NDRG1: variants seen among roughly 807,000 people sequenced by gnomAD.
NDRG1 encodes N-myc downstream regulated 1, also known as protein NDRG1.
Under a neutral mutation model 56.9 loss-of-function variants are expected in NDRG1, and 32 were observed. The observed-to-expected ratio is 0.56, with a 90% CI of 0.42 to 0.76. The LOEUF (loss-of-function observed/expected upper bound fraction) is 0.76. NDRG1 is among the 30% of genes least tolerant of loss of function. The pLI is 0.00. For missense variants in NDRG1, 507 were observed against 545.7 expected, an observed-to-expected ratio of 0.93 and a Z score of 0.71; for synonymous variants, 211 against 204.1, an observed-to-expected ratio of 1.03 and a Z score of -0.29.
At chr8:133,256,671 G>C (rs965011067) in intron 8 of NDRG1, 106 bp downstream of exon 8, 1 of 1,041,528 alleles carries the variant, frequency 9.6e-7, no homozygotes, top group East Asian at 2.6e-5. Flanking sequence ...GTGGAGGAGT[G>C]GGTAAAGAGA....
Position 133,238,996 on chromosome 8 carries a change from G to A in NDRG1, c.1067C>T (p.Thr356Ile), listed in dbSNP as rs1322329235. ...CGAGCGGCTGCGGGTGCCCTCGCTG[G>A]TGTGGGAGCGGCTTCGGGTGCCCTC... ...TSEGTRSRSHTSEGTRSRSHT... is the reference protein window; with the variant it reads ...TSEGTRSRSHISEGTRSRSHT... The change falls in exon 16 of 16, where the codon ACC (threonine) becomes ATC (isoleucine). Residue 356 changes from threonine to isoleucine, a missense_variant. Thr to Ile is a moderately conservative substitution (Grantham distance 89). Coordinates refer to ENST00000323851, the MANE Select transcript of NDRG1 (RefSeq NM_006096.4). 5 of 1,596,518 alleles carry A rather than the reference G, an allele frequency of 3.1e-6. No homozygotes were observed. The highest frequency in any genetic ancestry group is 4.3e-6 in the Non-Finnish European group (5 of 1,172,938).
At chr8:133,245,619 C>A (rs1204005660) in intron 13 of NDRG1, among the ~76,000 whole-genome samples, 1 of 152,136 alleles carries the variant, frequency 6.6e-6, no homozygotes, top group African/African-American at 2.4e-5. Flanking sequence ...AAGAGGCAGG[C>A]AGCATTCTCC....
chr8:133,250,367 T>A, intron 10 of NDRG1, 73 bp downstream of exon 10: 1 of 1,311,280 alleles, frequency 7.6e-7, no homozygotes, highest in Non-Finnish European at 1.1e-6. Context: ...CTCCCTCTCA[T>A]CTGTCCCACA....
chr8:133,291,158 C>G (rs1311750769), intron 1 of NDRG1, among the ~76,000 whole-genome samples: 1 of 152,174 alleles, frequency 6.6e-6, no homozygotes, highest in East Asian at 1.9e-4. Flanking sequence ...CGATTGTCAC[C>G]AACAGCAACT....
intron 1 of NDRG1, among the ~76,000 whole-genome samples, chr8:133,296,189 C>G (rs1467166697): frequency 2.7e-5 from 4 of 150,886 alleles, no homozygotes; most frequent in Non-Finnish European, 5.9e-5. Flanking sequence ...CCAGGAACGT[C>G]GAAGTAATTC....
intron 2 of NDRG1, among the ~76,000 whole-genome samples, chr8:133,283,073 T>G (rs1203679949): frequency 1.3e-5 from 2 of 152,230 alleles, no homozygotes; most frequent in Non-Finnish European, 2.9e-5. Context: ...ATAAGGAAAT[T>G]AAATGAACAG....
intron 1 of NDRG1, among the ~76,000 whole-genome samples, chr8:133,289,661 A>C (rs1858320759): frequency 6.6e-6 from 1 of 152,188 alleles, no homozygotes; most frequent in African/African-American, 2.4e-5. Flanking sequence ...CCCGAGGAAG[A>C]AAAGAACGTG....
intron 9 of NDRG1, among the ~76,000 whole-genome samples, chr8:133,251,155 T>G (rs1397376792): frequency 6.6e-6 from 1 of 152,190 alleles, no homozygotes; most frequent in Non-Finnish European, 1.5e-5. Flanking sequence ...ACCAGAGCCT[T>G]GGGGAAGTCG....
chr8:133,291,927 G>A (rs951920830), intron 1 of NDRG1, among the ~76,000 whole-genome samples: 2 of 152,224 alleles, frequency 1.3e-5, no homozygotes, highest in East Asian at 3.9e-4. Flanking sequence ...AGGGAGGTCA[G>A]CAAGAGTGTC....
chr8:133,246,723 C>A, intron 12 of NDRG1, 60 bp from the exon 13 acceptor site: 1 of 1,482,564 alleles, frequency 6.7e-7, no homozygotes, highest in South Asian at 1.1e-5. Flanking sequence ...AAAACATCTC[C>A]CCCTTCTCCG....
Position 133,243,912 on chromosome 8 carries a change from TTACACATGCACACAGACATGTG to T in NDRG1, c.891+421_891+442del, listed in dbSNP as rs780741653. On this transcript the variant is annotated intron_variant, in intron 14 of 15. Transcript: ENST00000323851. ...TTTATTTGTACATGTGCACACACAT[TTACACATGCACACAGACATGTG>T]TACACATGCACACACACAGACGTGT... Among the ~76,000 whole-genome samples the T allele has an allele frequency of 1.2e-3, 185 of 152,218 alleles. 1 individual carries two copies. In the South Asian group the frequency reaches 0.014, roughly 11 times the overall value.
intron 3 of NDRG1, among the ~76,000 whole-genome samples, chr8:133,271,666 A>G (rs2976575): frequency 0.86 from 130,410 of 151,574 alleles, 56,287 homozygotes; most frequent in East Asian, 1. Flanking sequence ...TATAGTCCCA[A>G]CTACTAGGGA....
chr8:133,292,130 C>A (rs1324591766), intron 1 of NDRG1, among the ~76,000 whole-genome samples: 1 of 152,164 alleles, frequency 6.6e-6, no homozygotes, highest in Non-Finnish European at 1.5e-5. Flanking sequence ...GGACACTGGT[C>A]TCCTTAGAGG....
At chr8:133,275,221 C>T (rs1225353157) in intron 3 of NDRG1, among the ~76,000 whole-genome samples, 5 of 152,178 alleles carry the variant, frequency 3.3e-5, no homozygotes, top group South Asian at 2.1e-4. Flanking sequence ...ATCTGGGGGA[C>T]GCTTTCATCA....
intron 9 of NDRG1, among the ~76,000 whole-genome samples, chr8:133,251,594 G>A (rs759292634): frequency 2.0e-5 from 3 of 152,206 alleles, no homozygotes; most frequent in Non-Finnish European, 4.4e-5. Flanking sequence ...GACAGTGGCT[G>A]TGAATTTTTC....
chr8:133,243,306 G>T (rs1855486644), intron 14 of NDRG1, among the ~76,000 whole-genome samples: 1 of 152,226 alleles, frequency 6.6e-6, no homozygotes, highest in Non-Finnish European at 1.5e-5. Flanking sequence ...CTGTGTTCGA[G>T]ATGGTGGAGA....
At chr8:133,242,095 A>C in intron 14 of NDRG1, 21 bp from the exon 15 acceptor site, 1 of 1,614,192 alleles carries the variant, frequency 6.2e-7, no homozygotes, top group South Asian at 1.1e-5. Flanking sequence ...CAAGGAGAGA[A>C]AATGCAGTCA....
chr8:133,263,322 T>C (rs1409472531), intron 4 of NDRG1, among the ~76,000 whole-genome samples: 1 of 152,218 alleles, frequency 6.6e-6, no homozygotes, highest in Non-Finnish European at 1.5e-5. Flanking sequence ...ATTAATAAGC[T>C]TTATAGAAAC....
intron 9 of NDRG1, among the ~76,000 whole-genome samples, chr8:133,254,076 C>CAAA (rs34461027): frequency 2.3e-5 from 3 of 128,628 alleles, no homozygotes; most frequent in African/African-American, 7.9e-5. Flanking sequence ...GAAGCCAGAC[C>CAAA]AAAAAAAAAA....
Sources: gnomAD v4.1 joint callset for allele counts (sites outside exome capture counted in the v4.1 genomes callset) on GRCh38, gnomAD v4.1.1 for gene constraint, MANE v1.5 for transcripts, NCBI Gene and HGNC (gene_info 2026-07-23, HGNC 2026-07-21) for gene names.